Variants in LRP6 observed in about 807,000 individuals in gnomAD.
LRP6 encodes the protein LDL receptor related protein 6, also known as low-density lipoprotein receptor-related protein 6.
In LRP6, 43 loss-of-function variants were observed where a neutral mutation model predicts 184.1. The observed-to-expected ratio is 0.23, with a 90% CI of 0.18 to 0.30. The LOEUF (loss-of-function observed/expected upper bound fraction) is 0.30. Ranked by LOEUF, LRP6 falls within the 10% of genes least tolerant of loss-of-function variation. The pLI, the probability that LRP6 is intolerant of heterozygous loss-of-function variation, is 1.00. For missense variants in LRP6, 1,571 were observed against 2,005.3 expected (o/e 0.78, Z 4.14); for synonymous variants, 719 against 684.9 (o/e 1.05, Z -0.78).
intron 2 of LRP6, among the ~76,000 whole-genome samples, chr12:12,220,599 GTTT>G (rs113682151): frequency 1.3e-4 from 17 of 130,040 alleles, no homozygotes; most frequent in Non-Finnish European, 1.2e-4. Flanking sequence ...ATTTTTCTTA[GTTT>G]TTTTTTTTTT....
rs1176200067 is a variant in LRP6, at chr12:12,225,281, AAAC to A, written c.449+18978_449+18980del. ...CTATCCTAATAGTGAGTAAAAAGCT[AAAC>A]AACAACAACAACAAAGATCAACAAC... On this transcript the variant is annotated intron_variant, in intron 2 of 22. Transcript: ENST00000261349. Among the ~76,000 whole-genome samples, 6 of 152,242 alleles carry A rather than the reference AAAC, an allele frequency of 3.9e-5. No individual in the cohort carries two copies. In the South Asian group the frequency reaches 6.2e-4, roughly 16 times the overall value.
At chr12:12,216,926 G>C (rs907385395) in intron 2 of LRP6, among the ~76,000 whole-genome samples, 43 of 139,486 alleles carry the variant, frequency 3.1e-4, no homozygotes, top group Admixed American at 8.1e-4. Flanking sequence ...TGACATATAA[G>C]AGCCTTTCTA....
intron 2 of LRP6, among the ~76,000 whole-genome samples, chr12:12,209,398 A>C (rs1237569807): frequency 6.6e-6 from 1 of 152,196 alleles, no homozygotes; most frequent in African/African-American, 2.4e-5. Context: ...TCCCTTCATT[A>C]TTCAACCCTA....
intron 2 of LRP6, among the ~76,000 whole-genome samples, chr12:12,241,887 A>G (rs1268910074): frequency 2.0e-5 from 3 of 152,228 alleles, no homozygotes; most frequent in Non-Finnish European, 4.4e-5. Context: ...ATAATGAGAA[A>G]TAACAAGGAT....
In LRP6 at chr12:12,126,739, G is replaced by A. The variant is rs746873421; in HGVS notation, c.4264C>T (p.Pro1422Ser). 4.3e-6 allele frequency: 7 copies of A among 1,614,080 alleles called. No individual in the cohort carries two copies. The Admixed American group carries it at 1.2e-4, about 27-fold the overall frequency. The change falls in exon 20 of 23, where the codon CCT becomes TCT. Residue 1422 changes from proline to serine, a missense_variant. Transcript: ENST00000261349. Reference sequence around the variant, plus strand: ...CTTGGGTGTGGCACATAACCAAGAGGCACAGAAGCTGGTCCATGAACTACA... The same window carrying A: ...CTTGGGTGTGGCACATAACCAAGAGACACAGAAGCTGGTCCATGAACTACA... ...DYVVHGPASV[P>S]LGYVPHPSSL...
chr12:12,173,522 TTA>T (rs1294679743), intron 7 of LRP6, among the ~76,000 whole-genome samples: 1 of 151,984 alleles, frequency 6.6e-6, no homozygotes, highest in African/African-American at 2.4e-5. Flanking sequence ...TTTGCATTTT[TTA>T]TAGAGATGGG....
chr12:12,262,292 T>A (rs1025822650), intron 1 of LRP6, among the ~76,000 whole-genome samples: 2 of 152,088 alleles, frequency 1.3e-5, no homozygotes, highest in Non-Finnish European at 2.9e-5. Context: ...AACAGGAGAA[T>A]TGCTTGAACC....
In LRP6 at chr12:12,147,351, A is replaced by T. The variant is rs764021358; in HGVS notation, c.3397+15T>A. The T allele has an allele frequency of 8.1e-6, 13 of 1,613,392 alleles. No individual in the cohort carries two copies. Among genetic ancestry groups the T allele is most frequent in the Non-Finnish European group, 1.0e-5 (12 of 1,179,488 alleles). ...AAAACTCAAATTAAAATAAGGAAAC[A>T]TATTTCTTGGGTACCTGAGAGATCA... On this transcript the variant is annotated intron_variant, in intron 15 of 22. Coordinates refer to ENST00000261349, the MANE Select transcript of LRP6 (RefSeq NM_002336.3).
intron 15 of LRP6, among the ~76,000 whole-genome samples, chr12:12,144,904 G>C (rs925663095): frequency 4.7e-5 from 7 of 149,180 alleles, no homozygotes; most frequent in African/African-American, 1.5e-4. Flanking sequence ...CACACACTGG[G>C]GCCTGTCGGG....
rs778739732 is a variant in LRP6, at chr12:12,160,016, GA to G, written c.2280-53del. On this transcript the variant is annotated intron_variant, in intron 10 of 22. Coordinates refer to ENST00000261349, the MANE Select transcript of LRP6 (RefSeq NM_002336.3). ...CATTTCAATTTTTTATTATCTGGGG[GA>G]AAGAGTCATATTCATGCAAAGTAAC... 5 of 1,327,058 alleles carry G rather than the reference GA, an allele frequency of 3.8e-6. No individual in the cohort carries two copies. The African/African-American group carries it at 5.9e-5, about 16-fold the overall frequency. 82.2% of individuals were successfully genotyped at this position (1,327,058 alleles called of 1,614,324 possible).
intron 12 of LRP6, among the ~76,000 whole-genome samples, chr12:12,156,339 C>G (rs1862578707): frequency 6.6e-6 from 1 of 152,152 alleles, no homozygotes; most frequent in Non-Finnish European, 1.5e-5. Context: ...CCCGGCCTAG[C>G]TGAAACCAGC....
At chr12:12,239,154 C>T (rs959798092) in intron 2 of LRP6, among the ~76,000 whole-genome samples, 3 of 152,136 alleles carry the variant, frequency 2.0e-5, no homozygotes, top group African/African-American at 7.2e-5. Context: ...AGAAAACAGA[C>T]CTTCCCAATT....
rs774775829 is a variant in LRP6 at position 12,164,380 on chromosome 12, T to C, written c.1945A>G (p.Thr649Ala). ...GGAATAGCCACATTATTATTGTTTG[T>C]TTCCAGAGAAATTCGTCTGATATCT... ...RADIRRISLE[T>A]NNNNVAIPLT... is the part of the protein sequence containing the mutation. Residue 649 changes from threonine (T) to alanine (A), a missense_variant, in exon 9 of 23, where the codon ACA becomes GCA. Thr to Ala is a moderately conservative substitution (Grantham distance 58). Coordinates refer to ENST00000261349, the MANE Select transcript of LRP6 (RefSeq NM_002336.3). The C allele has an allele frequency of 6.2e-7, 1 of 1,614,182 alleles. No homozygotes were observed. The highest frequency in any genetic ancestry group is 2.2e-5 in the East Asian group (1 of 44,884).
chr12:12,242,546 T>G (rs769535120), intron 2 of LRP6, among the ~76,000 whole-genome samples: 2 of 152,204 alleles, frequency 1.3e-5, no homozygotes, highest in Non-Finnish European at 2.9e-5. Context: ...TTCAACACCC[T>G]CTGAGCCTTA....
rs553111535 is a variant in LRP6, at chr12:12,257,633, A to AG, written c.55+9047_55+9048insC. On this transcript the variant is annotated intron_variant, in intron 1 of 22. Transcript: ENST00000261349. ...ATAGAAAGGGCTTAATGAAAAAAAAAAAAGAAAGAAAGAAAAAAGTACTTG... is the reference window on the plus strand; with the variant it reads ...ATAGAAAGGGCTTAATGAAAAAAAAAGAAAGAAAGAAAGAAAAAAGTACTTG... 9.3e-5 allele frequency among the ~76,000 whole-genome samples: 14 copies of AG among 150,410 alleles called. No homozygotes were observed. In the South Asian group the frequency reaches 2.7e-3, roughly 29 times the overall value.
chr12:12,169,482 A>G (rs1862972646), intron 7 of LRP6, among the ~76,000 whole-genome samples: 1 of 152,216 alleles, frequency 6.6e-6, no homozygotes, highest in African/African-American at 2.4e-5. Flanking sequence ...TGCTCTAGAT[A>G]CAAGCAAGGG....
chr12:12,249,746 A>C (rs909606085), intron 1 of LRP6, among the ~76,000 whole-genome samples: 1 of 152,068 alleles, frequency 6.6e-6, no homozygotes, highest in Non-Finnish European at 1.5e-5. Context: ...TAAATTAATT[A>C]AAGTTCACCT....
At chr12:12,245,929 C>T (rs73057422) in intron 1 of LRP6, among the ~76,000 whole-genome samples, 2,319 of 151,526 alleles carry the variant, frequency 0.015, 26 homozygotes, top group Non-Finnish European at 0.025. Flanking sequence ...ACCAGTCACA[C>T]GCAGCTATGG....
chr12:12,257,837 C>T (rs938280487), intron 1 of LRP6, among the ~76,000 whole-genome samples: 6 of 131,710 alleles, frequency 4.6e-5, no homozygotes, highest in African/African-American at 1.7e-4. Context: ...CGTGGTAGCA[C>T]GTGCCTATAG....
Sources: gnomAD v4.1 joint callset for allele counts (sites outside exome capture counted in the v4.1 genomes callset) on GRCh38, gnomAD v4.1.1 for gene constraint, MANE v1.5 for transcripts, NCBI Gene and HGNC (gene_info 2026-07-23, HGNC 2026-07-21) for gene names.